PANK2: variants seen among roughly 807,000 people sequenced by gnomAD.
The protein encoded by PANK2 is pantothenate kinase 2, also known as pantothenate kinase 2, mitochondrial.
PANK2 carries 36 observed loss-of-function variants against 43.1 expected under a neutral mutation model. That is an observed-to-expected ratio of 0.84 (90% CI 0.64 to 1.10). The LOEUF (loss-of-function observed/expected upper bound fraction) is 1.10, where lower values mean the gene tolerates loss of function less well. Among genes scored for constraint, PANK2 ranks in the 50% least tolerant of loss-of-function variants. PANK2 has a pLI of 0.00. For missense variants in PANK2, 576 were observed against 593.3 expected, an observed-to-expected ratio of 0.97 and a Z score of 0.30; for synonymous variants, 281 against 238.2, an observed-to-expected ratio of 1.18 and a Z score of -1.66.
Position 3,918,762 on chromosome 20 carries a change from A to AG in PANK2, c.1302dup (p.Gln435AlafsTer21), listed in dbSNP as rs34431351. 3 of 1,614,252 alleles carry AG rather than the reference A, an allele frequency of 1.9e-6. No homozygotes were observed. Among genetic ancestry groups the AG allele is most frequent in the Non-Finnish European group, 2.5e-6 (3 of 1,180,050 alleles). On this transcript the variant is annotated frameshift_variant, in exon 6 of 7. Coordinates refer to ENST00000610179, the MANE Select transcript of PANK2 (RefSeq NM_001386393.1). LOFTEE classifies it high-confidence loss of function. ...GCATATGCTTTGGATTATTGGTCCA[A>AG]GGGGCAGTTGAAAGCACTTTTTTCG...
rs116770649 is a variant in PANK2 at position 3,891,787 on chromosome 20, A to C, written c.298+2059A>C. On this transcript the variant is annotated intron_variant, in intron 1 of 6. Coordinates refer to ENST00000610179, the MANE Select transcript of PANK2 (RefSeq NM_001386393.1). ...ACCACACTCAGAAAAACCGGTTTAC[A>C]CTGGGTGGGGAGAATTATATTAAGG... Among the ~76,000 whole-genome samples, 781 of 152,324 alleles carry C rather than the reference A, an allele frequency of 5.1e-3. 5 individuals are homozygous for C. The highest frequency in any genetic ancestry group is 0.018 in the African/African-American group (756 of 41,572).
At chr20:3,905,717 C>CTT (rs377100642) in intron 1 of PANK2, among the ~76,000 whole-genome samples, 53 of 132,614 alleles carry the variant, frequency 4.0e-4, no homozygotes, top group Non-Finnish European at 4.2e-4. Flanking sequence ...AACCCACACC[C>CTT]TTTTTTTTTT....
Position 3,889,823 on chromosome 20 carries a change from C to T in PANK2, c.298+95C>T, listed in dbSNP as rs1283440688. On this transcript the variant is annotated intron_variant, in intron 1 of 6. Transcript: ENST00000610179. ...GCCCCGCCGCCGTTTTTCCCGCGCGCGGACACTGTCCCCGCACGGTGGTCC... is the reference window on the plus strand; with the variant it reads ...GCCCCGCCGCCGTTTTTCCCGCGCGTGGACACTGTCCCCGCACGGTGGTCC... 7.1e-6 allele frequency: 11 copies of T among 1,538,762 alleles called. No individual in the cohort carries two copies. The African/African-American group carries it at 9.5e-5, about 13-fold the overall frequency.
intron 1 of PANK2, among the ~76,000 whole-genome samples, chr20:3,890,921 C>T (rs1262692490): frequency 1.3e-5 from 2 of 152,126 alleles, no homozygotes; most frequent in African/African-American, 4.8e-5. Flanking sequence ...TGAGAAGCAC[C>T]TGAGTTTGAA....
chr20:3,913,775 C>CACACATAT (rs575219677), intron 4 of PANK2, among the ~76,000 whole-genome samples: 10 of 124,000 alleles, frequency 8.1e-5, no homozygotes, highest in Non-Finnish European at 1.3e-4. Flanking sequence ...CACACACACA[C>CACACATAT]ATATATATAT....
At chr20:3,920,844 T>C (rs1193145162) in intron 6 of PANK2, among the ~76,000 whole-genome samples, 2 of 152,194 alleles carry the variant, frequency 1.3e-5, no homozygotes, top group East Asian at 3.8e-4. Flanking sequence ...AAACTCCATC[T>C]CAAAACAAAA....
Position 3,923,430 on chromosome 20 carries a change from C to A in PANK2, c.*136C>A. 2 of 943,832 alleles carry A rather than the reference C, an allele frequency of 2.1e-6. No individual in the cohort carries two copies. Among genetic ancestry groups the A allele is most frequent in the South Asian group, 1.4e-5 (1 of 69,576 alleles). 58.5% of individuals were successfully genotyped at this position (943,832 alleles called of 1,614,324 possible). ...AAAGGACAGGTGTATTTTTCTAAGT[C>A]ATCAAGATAAATCCTTAAGAATTCA... On this transcript the variant is annotated 3_prime_UTR_variant, in exon 7 of 7. Transcript: ENST00000610179.
intron 6 of PANK2, among the ~76,000 whole-genome samples, chr20:3,922,397 A>G (rs1167903453): frequency 6.6e-6 from 1 of 152,182 alleles, no homozygotes; most frequent in Non-Finnish European, 1.5e-5. Context: ...GAGACAGTAC[A>G]GTGCTTGTCG....
At chr20:3,895,007 G>C (rs1481335584) in intron 1 of PANK2, among the ~76,000 whole-genome samples, 2 of 152,262 alleles carry the variant, frequency 1.3e-5, no homozygotes, top group East Asian at 3.9e-4. Flanking sequence ...GACTGTGTAT[G>C]CTGGCTCATT....
At chr20:3,916,207 A>G (rs1474366270) in intron 4 of PANK2, among the ~76,000 whole-genome samples, 1 of 152,250 alleles carries the variant, frequency 6.6e-6, no homozygotes, top group Non-Finnish European at 1.5e-5. Flanking sequence ...TAATGCTATT[A>G]TAAATGAAAT....
At chr20:3,913,096 C>T (rs2090494946) in intron 4 of PANK2, among the ~76,000 whole-genome samples, 1 of 151,942 alleles carries the variant, frequency 6.6e-6, no homozygotes, top group Non-Finnish European at 1.5e-5. Context: ...TCACTGTAAT[C>T]CCAATTTTAG....
chr20:3,901,274 C>T (rs1018804274), intron 1 of PANK2, among the ~76,000 whole-genome samples: 3 of 151,746 alleles, frequency 2.0e-5, no homozygotes, highest in African/African-American at 4.8e-5. Context: ...CTCCCAACTC[C>T]TGGCCTCAAG....
chr20:3,895,369 A>C (rs940726106), intron 1 of PANK2, among the ~76,000 whole-genome samples: 3 of 151,940 alleles, frequency 2.0e-5, no homozygotes, highest in African/African-American at 7.2e-5. Context: ...GGAGGCTGAG[A>C]CAGGAGGATT....
At chr20:3,889,792 C>G in intron 1 of PANK2, 64 bp downstream of exon 1, 2 of 1,552,344 alleles carry the variant, frequency 1.3e-6, no homozygotes, top group East Asian at 2.3e-5. Flanking sequence ...ACCCTGTCCC[C>G]TTCCGGCCCC....
In PANK2 at chr20:3,927,301, CACA is replaced by C. The variant is rs761169422; in HGVS notation, c.*4011_*4013del. On this transcript the variant is annotated 3_prime_UTR_variant, in exon 7 of 7. Coordinates refer to ENST00000610179, the MANE Select transcript of PANK2 (RefSeq NM_001386393.1). Reference sequence around the variant, plus strand: ...TGTTCCCTCTGTTCAAAGGCATATGCACAACACTATTTTTCAAAATTTGCTTTT... The same window carrying C: ...TGTTCCCTCTGTTCAAAGGCATATGCACACTATTTTTCAAAATTTGCTTTT... 4 of 152,196 alleles carry C rather than the reference CACA, an allele frequency of 2.6e-5. No individual in the cohort carries two copies. The highest frequency in any genetic ancestry group is 4.8e-5 in the African/African-American group (2 of 41,442). The allele number at this position is 152,196 out of a possible 1,614,324, so 9.4% of individuals were successfully genotyped here.
intron 6 of PANK2, among the ~76,000 whole-genome samples, chr20:3,920,926 T>C (rs973276654): frequency 8.5e-5 from 13 of 152,250 alleles, no homozygotes; most frequent in African/African-American, 3.1e-4. Flanking sequence ...ATTTTGTCCT[T>C]ATTGCTCGCT....
At chr20:3,918,915 TG>T in intron 6 of PANK2, 119 bp downstream of exon 6, 4 of 1,558,042 alleles carry the variant, frequency 2.6e-6, no homozygotes, top group Non-Finnish European at 3.5e-6. Context: ...TTTTGTTTTT[TG>T]TTTTTTTGAG....
In PANK2 at chr20:3,908,363, T is replaced by C. The variant is rs546401412; in HGVS notation, c.651+85T>C. 4.7e-6 allele frequency: 6 copies of C among 1,263,330 alleles called. 1 individual carries two copies. In the South Asian group the frequency reaches 6.5e-5, roughly 14 times the overall value. 78.3% of individuals were successfully genotyped at this position (1,263,330 alleles called of 1,614,324 possible). On this transcript the variant is annotated intron_variant, in intron 2 of 6. Transcript: ENST00000610179. ...GTAGCAAGTGGTGAAATAATTTCCATCTCTAATGGAACTTGAATTTTCTTG... is the reference window on the plus strand; with the variant it reads ...GTAGCAAGTGGTGAAATAATTTCCACCTCTAATGGAACTTGAATTTTCTTG...
intron 1 of PANK2, among the ~76,000 whole-genome samples, chr20:3,907,099 CTTTTTTTTT>C (rs71195867): frequency 5.0e-5 from 4 of 80,628 alleles, no homozygotes; most frequent in African/African-American, 1.0e-4. Context: ...CCAGCCCTGC[CTTTTTTTTT>C]TTTTTTTTTT....
Sources: allele counts gnomAD v4.1 joint callset (sites outside exome capture counted in the v4.1 genomes callset), GRCh38; gene constraint gnomAD v4.1.1; transcripts MANE v1.5; gene names NCBI Gene and HGNC (gene_info 2026-07-23, HGNC 2026-07-21).